GRID2: variants seen among roughly 807,000 people sequenced by gnomAD.
The protein encoded by GRID2 is glutamate ionotropic receptor delta type subunit 2.
Under a neutral mutation model 114.8 loss-of-function variants are expected in GRID2, and 33 were observed. The observed-to-expected ratio is 0.29, with a 90% CI of 0.22 to 0.38. The LOEUF (loss-of-function observed/expected upper bound fraction) is 0.38, where lower values mean the gene tolerates loss of function less well. GRID2 is among the 10% of genes least tolerant of loss of function. The pLI, the probability that GRID2 is intolerant of heterozygous loss-of-function variation, is 1.00. For missense variants in GRID2, 1,184 were observed against 1,257.7 expected, an observed-to-expected ratio of 0.94 and a Z score of 0.89; for synonymous variants, 505 against 449.9, an observed-to-expected ratio of 1.12 and a Z score of -1.55.
At chr4:93,615,238 A>T (rs1326971579) in intron 13 of GRID2, among the ~76,000 whole-genome samples, 2 of 152,230 alleles carry the variant, frequency 1.3e-5, no homozygotes, top group Admixed American at 1.3e-4. Context: ...TTTAAAGGCC[A>T]GGCTTTTGTC....
chr4:93,463,147 T>A (rs1723911572), intron 11 of GRID2, among the ~76,000 whole-genome samples: 1 of 152,178 alleles, frequency 6.6e-6, no homozygotes, highest in African/African-American at 2.4e-5. Flanking sequence ...ATTTAAAACA[T>A]GACGAGGTGC....
chr4:92,635,321 T>G (rs1474063756), intron 2 of GRID2, among the ~76,000 whole-genome samples: 4 of 152,100 alleles, frequency 2.6e-5, no homozygotes, highest in Non-Finnish European at 5.9e-5. Flanking sequence ...ACTAAAGATA[T>G]GCTCTCAGTT....
intron 8 of GRID2, among the ~76,000 whole-genome samples, chr4:93,324,768 G>T (rs1418853818): frequency 4.0e-5 from 6 of 151,870 alleles, no homozygotes; most frequent in Non-Finnish European, 1.5e-5. Flanking sequence ...GTCTTGGGAG[G>T]GTGTATGTTT....
chr4:93,322,990 G>A (rs1357707962), intron 8 of GRID2, among the ~76,000 whole-genome samples: 1 of 152,104 alleles, frequency 6.6e-6, no homozygotes, highest in Non-Finnish European at 1.5e-5. Context: ...CTCCTATTCT[G>A]TAGGTTGCCT....
intron 1 of GRID2, among the ~76,000 whole-genome samples, chr4:92,433,523 C>T (rs945869003): frequency 1.3e-5 from 2 of 152,208 alleles, no homozygotes; most frequent in Admixed American, 6.5e-5. Flanking sequence ...TCTGCTGGAA[C>T]AGACACACTG....
intron 2 of GRID2, among the ~76,000 whole-genome samples, chr4:92,819,661 T>G (rs1741141954): frequency 6.6e-6 from 1 of 152,136 alleles, no homozygotes; most frequent in Admixed American, 6.6e-5. Context: ...AATAGGACTA[T>G]GTTGTGGAAA....
chr4:93,697,869 G>GTGTATATATATATATATATATATATA lies in GRID2; in HGVS notation c.2361-71340_2361-71339insGTATATATATATATATATATATATAT, dbSNP rs1553986412. ...TCAATTTAGTCATTCCACAATGTGT[G>GTGTATATATATATATATATATATATA]TATATATATATTTCAAAACAATACG... On this transcript the variant is annotated intron_variant, in intron 14 of 15. Transcript: ENST00000282020. 2.5e-3 allele frequency among the ~76,000 whole-genome samples: 310 copies of GTGTATATATATATATATATATATATA among 122,652 alleles called. 1 individual carries two copies. Among genetic ancestry groups the GTGTATATATATATATATATATATATA allele is most frequent in the East Asian group, 7.0e-3 (22 of 3,150 alleles). 80.5% of individuals were successfully genotyped at this position (122,652 alleles called of 152,430 possible).
intron 1 of GRID2, among the ~76,000 whole-genome samples, chr4:92,385,875 CGTGTGT>C (rs746827198): frequency 1.8e-4 from 25 of 137,826 alleles, no homozygotes; most frequent in South Asian, 4.7e-4. Flanking sequence ...ATATAATATA[CGTGTGT>C]GTGTGTGTGT....
At chr4:92,667,147 C>T (rs1334850208) in intron 2 of GRID2, among the ~76,000 whole-genome samples, 2 of 151,672 alleles carry the variant, frequency 1.3e-5, no homozygotes, top group African/African-American at 4.8e-5. Flanking sequence ...TAAAGCCTTC[C>T]CCTAGAAGAT....
At chr4:93,450,197 G>A (rs1041548155) in intron 10 of GRID2, among the ~76,000 whole-genome samples, 1 of 151,702 alleles carries the variant, frequency 6.6e-6, no homozygotes, top group African/African-American at 2.4e-5. Context: ...CATATCTTTG[G>A]AAAAAGTTTG....
intron 14 of GRID2, among the ~76,000 whole-genome samples, chr4:93,684,857 T>C (rs966336902): frequency 6.6e-6 from 1 of 152,008 alleles, no homozygotes; most frequent in African/African-American, 2.4e-5. Flanking sequence ...CTCGGGACCA[T>C]GACTAAAGTT....
At chr4:93,602,939 G>A (rs1739842228) in intron 13 of GRID2, among the ~76,000 whole-genome samples, 1 of 152,252 alleles carries the variant, frequency 6.6e-6, no homozygotes, top group Non-Finnish European at 1.5e-5. Flanking sequence ...GTGGGGTGCA[G>A]TGGCTCACGC....
At chr4:93,661,732 C>A (rs1723511959) in intron 14 of GRID2, among the ~76,000 whole-genome samples, 1 of 152,192 alleles carries the variant, frequency 6.6e-6, no homozygotes, top group South Asian at 2.1e-4. Context: ...ATTTTATGGA[C>A]TATCACTACC....
chr4:92,997,953 A>G (rs981882553), intron 2 of GRID2, among the ~76,000 whole-genome samples: 1 of 152,142 alleles, frequency 6.6e-6, no homozygotes, highest in Non-Finnish European at 1.5e-5. Flanking sequence ...TTGTCAAATC[A>G]CATATCAGAC....
intron 2 of GRID2, among the ~76,000 whole-genome samples, chr4:92,794,905 T>TATACACACACACAC (rs745392261): frequency 4.7e-5 from 6 of 127,808 alleles, no homozygotes; most frequent in African/African-American, 1.9e-4. Context: ...TATATATATA[T>TATACACACACACAC]ACACACACAC....
chr4:92,609,197 T>C (rs982541920), intron 2 of GRID2, among the ~76,000 whole-genome samples: 2 of 151,706 alleles, frequency 1.3e-5, no homozygotes, highest in African/African-American at 4.8e-5. Flanking sequence ...TGGTACCAAA[T>C]ATATAACAGT....
intron 1 of GRID2, among the ~76,000 whole-genome samples, chr4:92,311,187 A>G (rs891892825): frequency 6.6e-6 from 1 of 152,212 alleles, no homozygotes; most frequent in African/African-American, 2.4e-5. Flanking sequence ...GTGTATGTAC[A>G]CTTGCCTTTA....
intron 2 of GRID2, among the ~76,000 whole-genome samples, chr4:92,687,683 G>C (rs1027297566): frequency 6.6e-6 from 1 of 152,010 alleles, no homozygotes; most frequent in African/African-American, 2.4e-5. Flanking sequence ...CAAAAAATTA[G>C]CTGGGCGTTG....
At chr4:93,776,493 G>A (rs1734372634), downstream of GRID2, among the ~76,000 whole-genome samples, 1 of 152,152 alleles carries the variant, frequency 6.6e-6, no homozygotes, top group African/African-American at 2.4e-5. Flanking sequence ...CTAAACAGCT[G>A]GGCATGGCAG....
Sources: allele counts gnomAD v4.1 joint callset (sites outside exome capture counted in the v4.1 genomes callset), GRCh38; gene constraint gnomAD v4.1.1; transcripts MANE v1.5; gene names NCBI Gene and HGNC (gene_info 2026-07-23, HGNC 2026-07-21).